BOD1L1: variants seen among roughly 807,000 people sequenced by gnomAD.
BOD1L1 encodes biorientation of chromosomes in cell division 1 like 1, also known as biorientation of chromosomes in cell division protein 1-like 1.
A neutral mutation model predicts 240.7 loss-of-function variants in BOD1L1; 86 were observed. That is an observed-to-expected ratio of 0.36 (90% confidence interval 0.30 to 0.43). BOD1L1 has a LOEUF of 0.43. Ranked by LOEUF, BOD1L1 falls within the 20% of genes least tolerant of loss-of-function variation. The pLI is 1.00. For missense variants in BOD1L1, 3,554 were observed against 3,643.5 expected (o/e 0.98, Z 0.63); for synonymous variants, 1,268 against 1,272.3 (o/e 1.00, Z 0.07).
chr4:13,619,482 T>C (rs1296852271), intron 2 of BOD1L1, among the ~76,000 whole-genome samples: 4 of 151,946 alleles, frequency 2.6e-5, no homozygotes, highest in African/African-American at 7.3e-5. Context: ...TTAAAAGTCA[T>C]AGTAAAATGC....
chr4:13,577,956 T>G (rs1380752268), intron 22 of BOD1L1: 1 of 210,620 alleles, frequency 4.7e-6, no homozygotes, highest in Non-Finnish European at 9.4e-6. Flanking sequence ...CAGGCTGGAG[T>G]GCAGTGGCGT....
At chr4:13,584,441 A>AGTGTGAGTGT (rs1713501248) in intron 17 of BOD1L1, among the ~76,000 whole-genome samples, 3 of 134,814 alleles carry the variant, frequency 2.2e-5, no homozygotes, top group Non-Finnish European at 3.2e-5. Context: ...AGAGAGAGAG[A>AGTGTGAGTGT]GTGTGTGTGT....
chr4:13,576,394 C>T (rs1712744166), intron 25 of BOD1L1, among the ~76,000 whole-genome samples: 1 of 152,136 alleles, frequency 6.6e-6, no homozygotes, highest in African/African-American at 2.4e-5. Context: ...GGGCACTTTC[C>T]TATGATCAAC....
In BOD1L1 at chr4:13,601,955, CCT is replaced by C; in HGVS notation, c.4943_4944del (p.Glu1648GlyfsTer4). On this transcript the variant is annotated frameshift_variant, in exon 10 of 26. Transcript: ENST00000040738. LOFTEE classifies it high-confidence loss of function. ...IEANVNSVVT[E>X]EKDDAVTSAG... ...GCACTGGTTACAGCATCATCCTTTT[CCT>C]CTGTCACAACGCTATTTACATTGGC... 6.2e-7 allele frequency: 1 copy of C among 1,613,990 alleles called. No individual in the cohort carries two copies. The highest frequency in any genetic ancestry group is 8.5e-7 in the Non-Finnish European group (1 of 1,179,898).
At chr4:13,575,709 T>C (rs1712658000) in intron 25 of BOD1L1, among the ~76,000 whole-genome samples, 1 of 152,018 alleles carries the variant, frequency 6.6e-6, no homozygotes, top group Non-Finnish European at 1.5e-5. Context: ...TTTGGGAAAG[T>C]GATTAACGGT....
At chr4:13,572,887 C>A in intron 25 of BOD1L1, 2 of 1,278,946 alleles carry the variant, frequency 1.6e-6, no homozygotes, top group South Asian at 1.3e-5. Flanking sequence ...GCACTGAATA[C>A]TCCAGTCCCT....
At chr4:13,573,418 A>G (rs57927807) in intron 25 of BOD1L1, among the ~76,000 whole-genome samples, 121 of 131,466 alleles carry the variant, frequency 9.2e-4, no homozygotes, top group South Asian at 3.5e-3. Context: ...GCTTCTATCT[A>G]TCTGTCTGTC....
At chr4:13,609,915 A>G (rs1577366381) in intron 6 of BOD1L1, among the ~76,000 whole-genome samples, 1 of 152,202 alleles carries the variant, frequency 6.6e-6, no homozygotes, top group African/African-American at 2.4e-5. Context: ...CAGGTCTTTT[A>G]CAGCAGAAAG....
intron 19 of BOD1L1, among the ~76,000 whole-genome samples, chr4:13,581,824 G>C (rs1415751294): frequency 6.6e-6 from 1 of 152,094 alleles, no homozygotes; most frequent in Non-Finnish European, 1.5e-5. Flanking sequence ...AGGTCCCCTC[G>C]AGTATTCCCT....
At chr4:13,607,079 C>T (rs1217465508) in intron 9 of BOD1L1, 38 bp downstream of exon 9, 12 of 1,374,976 alleles carry the variant, frequency 8.7e-6, no homozygotes, top group Admixed American at 2.3e-5. Flanking sequence ...CTATATCTAA[C>T]AAAACAGCAT....
At chr4:13,589,627 C>T (rs1282365854) in intron 14 of BOD1L1, among the ~76,000 whole-genome samples, 4 of 152,010 alleles carry the variant, frequency 2.6e-5, no homozygotes, top group Non-Finnish European at 4.4e-5. Flanking sequence ...ATAGTGGTTC[C>T]TTTTGGAGTG....
chr4:13,627,537 GGGAGGCGGCGGCGCCGGA>G lies in BOD1L1; in HGVS notation c.33_50del (p.Ala13_Pro18del), dbSNP rs1361088625. 3.2e-4 allele frequency: 355 copies of G among 1,124,080 alleles called. No homozygotes were observed. The highest frequency in any genetic ancestry group is 4.8e-4 in the African/African-American group (29 of 60,762). 69.6% of individuals were successfully genotyped at this position (1,124,080 alleles called of 1,614,324 possible). ...GTGGCTGCGGCTGCGGCTGCGGCGG[GGGAGGCGGCGGCGCCGGA>G]GGAGGCGGCTGCGGCTGTGGGTTGG... On this transcript the variant is annotated inframe_deletion, in exon 1 of 26. Transcript: ENST00000040738.
chr4:13,603,928 C>G lies in BOD1L1; in HGVS notation c.2972G>C (p.Arg991Thr). Residue 991 changes from arginine to threonine, a missense_variant, in exon 10 of 26, where the codon AGA (arginine) becomes ACA (threonine). Around this residue, in one of 2 missense-constraint regions of BOD1L1, gnomAD observed 3,393 missense variants for 3,427.1 expected, o/e 0.99. Transcript: ENST00000040738. ...CTCCTTTGCTAATGGTAACTTGGCT[C>G]TATGACTAGAATCCTTCTGTGTACT... Reference protein sequence around the residue: ...AHSTQKDSSHRAKLPLAKEKY... With the variant: ...AHSTQKDSSHTAKLPLAKEKY... 6.2e-7 allele frequency: 1 copy of G among 1,613,934 alleles called. No individual in the cohort carries two copies. Among genetic ancestry groups the G allele is most frequent in the Non-Finnish European group, 8.5e-7 (1 of 1,179,890 alleles).
intron 1 of BOD1L1, among the ~76,000 whole-genome samples, chr4:13,621,425 T>C (rs1037571817): frequency 1.3e-5 from 2 of 152,202 alleles, no homozygotes; most frequent in South Asian, 4.1e-4. Context: ...CCTCTGGTTG[T>C]CCATCTGACA....
chr4:13,590,486 C>CA, intron 13 of BOD1L1, 40 bp from the exon 14 acceptor site: 2 of 1,089,976 alleles, frequency 1.8e-6, no homozygotes, highest in Non-Finnish European at 2.6e-6. Context: ...GATAGTCTCA[C>CA]AAAAATTTAA....
At chr4:13,586,268 GATT>G (rs1278533557) in intron 17 of BOD1L1, 125 bp downstream of exon 17, 21 of 469,960 alleles carry the variant, frequency 4.5e-5, no homozygotes, top group Non-Finnish European at 7.9e-5. Context: ...ATAATAAAGT[GATT>G]ATTATTAGAG....
chr4:13,608,290 T>C lies in BOD1L1; in HGVS notation c.1742+240A>G, dbSNP rs201452686. 1.1e-4 allele frequency among the ~76,000 whole-genome samples: 16 copies of C among 152,114 alleles called. No homozygotes were observed. In the East Asian group the frequency reaches 3.1e-3, roughly 29 times the overall value. Reference sequence around the variant, plus strand: ...CATGTACATTTTTCAGGGGAGAGGGTCTAAAGCTCTCACCAAATTATCAAA... The same window carrying C: ...CATGTACATTTTTCAGGGGAGAGGGCCTAAAGCTCTCACCAAATTATCAAA... On this transcript the variant is annotated intron_variant, in intron 8 of 25. Coordinates refer to ENST00000040738, the MANE Select transcript of BOD1L1 (RefSeq NM_148894.3).
In BOD1L1 at chr4:13,577,402, C is replaced by T; in HGVS notation, c.8884+1G>A. On this transcript the variant is annotated splice_donor_variant, in intron 24 of 25. Coordinates refer to ENST00000040738, the MANE Select transcript of BOD1L1 (RefSeq NM_148894.3). LOFTEE classifies it high-confidence loss of function. ...TTATTAAGAATTTGCTAGAAACATA[C>T]CAGCATCATCTGATACAGTGAGAGA... 1 of 1,612,340 alleles carries T rather than the reference C, an allele frequency of 6.2e-7. No individual in the cohort carries two copies. The highest frequency in any genetic ancestry group is 8.5e-7 in the Non-Finnish European group (1 of 1,179,260).
chr4:13,608,458 A>G, intron 8 of BOD1L1, 72 bp downstream of exon 8: 2 of 1,315,768 alleles, frequency 1.5e-6, no homozygotes, highest in Non-Finnish European at 2.0e-6. Flanking sequence ...CTTTACTGTC[A>G]CTTCAATTCC....
Sources: gnomAD v4.1 joint callset for allele counts (sites outside exome capture counted in the v4.1 genomes callset) on GRCh38, gnomAD v4.1.1 for gene constraint, gnomAD v4.1.1 regional missense constraint, MANE v1.5 for transcripts, NCBI Gene and HGNC (gene_info 2026-07-23, HGNC 2026-07-21) for gene names.